Variants in GGA2 observed in about 807,000 individuals in gnomAD.
GGA2 encodes the protein golgi associated, gamma adaptin ear containing, ARF binding protein 2.
In GGA2, 48 loss-of-function variants were observed where a neutral mutation model predicts 79.5. The observed-to-expected ratio is 0.60, with a 90% CI of 0.48 to 0.77. The LOEUF (loss-of-function observed/expected upper bound fraction) is 0.77, where lower values mean the gene tolerates loss of function less well. GGA2 is among the 30% of genes least tolerant of loss of function. The pLI, the probability that GGA2 is intolerant of heterozygous loss-of-function variation, is 0.00. For synonymous variants in GGA2, 317 were observed against 302.0 expected (o/e 1.05, Z -0.51); for missense variants, 770 against 774.0 (o/e 0.99, Z 0.06).
intron 1 of GGA2, among the ~76,000 whole-genome samples, chr16:23,509,586 T>G (rs2142146636): frequency 6.6e-6 from 1 of 152,186 alleles, no homozygotes; most frequent in East Asian, 1.9e-4. Flanking sequence ...TTTATCCCCT[T>G]TGAACCTCAA....
intron 1 of GGA2, 83 bp downstream of exon 1, chr16:23,510,238 C>T: frequency 1.1e-6 from 1 of 920,370 alleles, no homozygotes; most frequent in South Asian, 2.5e-5. Flanking sequence ...GGCCGCCCGC[C>T]CCGAAGCAAG....
At chr16:23,485,041 C>T (rs1006864457) in intron 8 of GGA2, among the ~76,000 whole-genome samples, 5 of 152,208 alleles carry the variant, frequency 3.3e-5, no homozygotes, top group African/African-American at 9.7e-5. Flanking sequence ...CACAATGGAA[C>T]GCTATCCAGC....
chr16:23,470,273 G>A, intron 14 of GGA2, 108 bp from the exon 15 acceptor site: 1 of 772,190 alleles, frequency 1.3e-6, no homozygotes, highest in Non-Finnish European at 2.0e-6. Context: ...GCTTCTCCAT[G>A]CAGAACATGT....
At chr16:23,504,187 C>T (rs1964950407) in intron 1 of GGA2, among the ~76,000 whole-genome samples, 1 of 151,946 alleles carries the variant, frequency 6.6e-6, no homozygotes, top group Non-Finnish European at 1.5e-5. Flanking sequence ...GATGAAGAAA[C>T]CTACCCAACC....
At chr16:23,469,189 C>G (rs1346471447) in intron 15 of GGA2, 193 bp from the exon 16 acceptor site, 2 of 503,706 alleles carry the variant, frequency 4.0e-6, no homozygotes, top group African/African-American at 1.9e-5. Context: ...ATCTAAGAGG[C>G]CTTTCCTTCC....
chr16:23,510,249 GC>G, intron 1 of GGA2, 71 bp downstream of exon 1: 3 of 1,013,120 alleles, frequency 3.0e-6, no homozygotes, highest in Non-Finnish European at 4.0e-6. Flanking sequence ...CCGAAGCAAG[GC>G]CCCGGGAGGC....
At position 23,481,440 on chromosome 16, in the gene GGA2, A is replaced by G. The variant is rs1332186336; in HGVS notation, c.881-670T>C. On this transcript the variant is annotated intron_variant, in intron 9 of 16. Transcript: ENST00000309859. ...ATGGGGGATGCCACGAGCAAAACTG[A>G]GACCGAGAGAACTGTCAATTCAGAG... 2.0e-5 allele frequency among the ~76,000 whole-genome samples: 3 copies of G among 152,152 alleles called. No individual in the cohort carries two copies. The East Asian group carries it at 5.8e-4, about 29-fold the overall frequency.
chr16:23,519,593 G>T, exon 2 of GGA2: 1 of 423,460 alleles, frequency 2.4e-6, no homozygotes, highest in Non-Finnish European at 4.7e-6. Flanking sequence ...TTACCTTCAG[G>T]GCTAGGGCAG....
At chr16:23,489,748 A>C (rs1250633762) in intron 5 of GGA2, among the ~76,000 whole-genome samples, 1 of 152,212 alleles carries the variant, frequency 6.6e-6, no homozygotes, top group African/African-American at 2.4e-5. Flanking sequence ...AAAAGAAAAT[A>C]AGCTCTTCTC....
intron 2 of GGA2, 43 bp from the exon 3 acceptor site, chr16:23,494,421 G>T: frequency 7.9e-7 from 1 of 1,270,190 alleles, no homozygotes; most frequent in Non-Finnish European, 1.2e-6. Context: ...CGGGCAAAAA[G>T]AAACTAACCC....
At position 23,465,549 on chromosome 16, in the gene GGA2, G is replaced by C. The variant is rs891062507; in HGVS notation, c.*2041C>G. On this transcript the variant is annotated 3_prime_UTR_variant, in exon 17 of 17. Coordinates refer to ENST00000309859, the MANE Select transcript of GGA2 (RefSeq NM_015044.4). ...GGAGAAAGCCTGTCTTTATGTATAA[G>C]TCTCATTCACCCATTTTGACCAAAA... 7 of 628,234 alleles carry C rather than the reference G, an allele frequency of 1.1e-5. No homozygotes were observed. In the African/African-American group the frequency reaches 1.3e-4, roughly 11 times the overall value. 38.9% of individuals were successfully genotyped at this position (628,234 alleles called of 1,614,324 possible).
In GGA2 at chr16:23,467,073, G is replaced by A. The variant is rs1964446215; in HGVS notation, c.*517C>T. The A allele has an allele frequency of 6.4e-6, 1 of 155,162 alleles. No individual in the cohort carries two copies. The highest frequency in any genetic ancestry group is 2.0e-4 in the South Asian group (1 of 4,976). The allele number at this position is 155,162 out of a possible 1,614,324, so 9.6% of individuals were successfully genotyped here. ...ATTGTCTAATGAAAATGGAGACAAGGTCTTTCTTGGAAGAGAGTGCCCAAG... is the reference window on the plus strand; with the variant it reads ...ATTGTCTAATGAAAATGGAGACAAGATCTTTCTTGGAAGAGAGTGCCCAAG... On this transcript the variant is annotated 3_prime_UTR_variant, in exon 17 of 17. Transcript: ENST00000309859.
intron 9 of GGA2, among the ~76,000 whole-genome samples, chr16:23,482,358 T>TA (rs1458111087): frequency 6.6e-6 from 1 of 152,172 alleles, no homozygotes; most frequent in Non-Finnish European, 1.5e-5. Context: ...GAAGTAAGAT[T>TA]AAAAAAATCA....
upstream of GGA2, among the ~76,000 whole-genome samples, chr16:23,510,763 A>G (rs1008855181): frequency 2.7e-4 from 41 of 152,126 alleles, no homozygotes; most frequent in Non-Finnish European, 3.7e-4. Context: ...CTGGAGTCCA[A>G]TGGCGCGATC....
At chr16:23,475,951 C>CCAAG (rs1555499157) in intron 13 of GGA2, among the ~76,000 whole-genome samples, 16 of 150,904 alleles carry the variant, frequency 1.1e-4, no homozygotes, top group Middle Eastern at 3.4e-3. Context: ...AAGAAAAAAA[C>CCAAG]AAAAGCACTT....
At chr16:23,499,547 G>T (rs1964896853) in intron 1 of GGA2, among the ~76,000 whole-genome samples, 1 of 152,156 alleles carries the variant, frequency 6.6e-6, no homozygotes, top group Non-Finnish European at 1.5e-5. Flanking sequence ...AATGTAAGGA[G>T]GTTTCTTTCT....
At position 23,500,620 on chromosome 16, in the gene GGA2, C is replaced by T. The variant is rs1036788458; in HGVS notation, c.92-4842G>A. ...AGGCCAAGGCAGAGAGGAGCAGAGGCGTCGCAGATGGAACATACTGCTCCC... is the reference window on the plus strand; with the variant it reads ...AGGCCAAGGCAGAGAGGAGCAGAGGTGTCGCAGATGGAACATACTGCTCCC... On this transcript the variant is annotated intron_variant, in intron 1 of 16. Transcript: ENST00000309859. Among the ~76,000 whole-genome samples the T allele has an allele frequency of 9.2e-5, 14 of 152,222 alleles. 1 individual carries two copies. The highest frequency in any genetic ancestry group is 3.1e-4 in the African/African-American group (13 of 41,462).
At chr16:23,470,208 A>C (rs753351839) in intron 14 of GGA2, 43 bp from the exon 15 acceptor site, 8 of 1,440,010 alleles carry the variant, frequency 5.6e-6, no homozygotes, top group African/African-American at 1.4e-5. Flanking sequence ...ACCACTACAA[A>C]CCCCCCGGAC....
At position 23,479,762 on chromosome 16, in the gene GGA2, C is replaced by T. The variant is rs1964623864; in HGVS notation, c.1129+3G>A. 1 of 1,613,804 alleles carries T rather than the reference C, an allele frequency of 6.2e-7. No individual in the cohort carries two copies. Among genetic ancestry groups the T allele is most frequent in the African/African-American group, 1.3e-5 (1 of 74,918 alleles). Reference sequence around the variant, plus strand: ...CCTGCTCCCCACAAGCACCTGCCCTCACCCAAGGCTGCCAGGTCCTGATGA... The same window carrying T: ...CCTGCTCCCCACAAGCACCTGCCCTTACCCAAGGCTGCCAGGTCCTGATGA... On this transcript the variant is annotated splice_donor_region_variant and intron_variant, in intron 11 of 16. Transcript: ENST00000309859.
Sources: gnomAD v4.1 joint callset for allele counts (sites outside exome capture counted in the v4.1 genomes callset) on GRCh38, gnomAD v4.1.1 for gene constraint, MANE v1.5 for transcripts, NCBI Gene and HGNC (gene_info 2026-07-23, HGNC 2026-07-21) for gene names.